The following ACSM4 variants were observed in gnomAD, a reference collection of about 807,000 sequenced individuals.
ACSM4 encodes the protein acyl-CoA synthetase medium chain family member 4.
In ACSM4, 66 loss-of-function variants were observed where a neutral mutation model predicts 73.0. The ratio of observed to expected loss-of-function variants is 0.90; its 90% CI spans 0.74 to 1.11. The LOEUF (loss-of-function observed/expected upper bound fraction) is 1.11, where lower values mean the gene tolerates loss of function less well. Among genes scored for constraint, ACSM4 ranks in the 50% least tolerant of loss-of-function variants. The pLI, the probability that ACSM4 is intolerant of heterozygous loss-of-function variation, is 0.00. For missense variants in ACSM4, 645 were observed against 714.4 expected, an observed-to-expected ratio of 0.90 and a Z score of 1.11; for synonymous variants, 222 against 254.0, an observed-to-expected ratio of 0.87 and a Z score of 1.20.
intron 3 of ACSM4, among the ~76,000 whole-genome samples, chr12:7,314,503 A>G (rs1946407403): frequency 6.6e-6 from 1 of 152,170 alleles, no homozygotes; most frequent in Non-Finnish European, 1.5e-5. Context: ...TTTTAGATAG[A>G]CAGATAGATG....
chr12:7,323,609 A>G, intron 9 of ACSM4, 49 bp downstream of exon 9: 1 of 1,514,310 alleles, frequency 6.6e-7, no homozygotes, highest in Non-Finnish European at 9.1e-7. Flanking sequence ...CTTGGGTTCA[A>G]ATTTCATTTC....
Position 7,306,690 on chromosome 12 carries a change from T to A in ACSM4, c.359T>A (p.Ile120Asn). 6.2e-7 allele frequency: 1 copy of A among 1,611,976 alleles called. No individual in the cohort carries two copies. The highest frequency in any genetic ancestry group is 1.1e-5 in the South Asian group (1 of 90,362). ...CAGAGAGGAGACCGTTTGGCCGTGATTCTGCCCAGAATCCCTGAGTGGTGG... is the reference window on the plus strand; with the variant it reads ...CAGAGAGGAGACCGTTTGGCCGTGAATCTGCCCAGAATCCCTGAGTGGTGG... Reference protein sequence around the residue: ...GLQRGDRLAVILPRIPEWWLV... With the variant: ...GLQRGDRLAVNLPRIPEWWLV... Residue 120 changes from isoleucine to asparagine, a missense_variant, in exon 2 of 13, where the codon ATT becomes AAT. Ile to Asn is a moderately radical substitution (Grantham distance 149). Coordinates refer to ENST00000399422, the MANE Select transcript of ACSM4 (RefSeq NM_001080454.2).
chr12:7,305,812 T>C (rs1314874887), intron 1 of ACSM4, among the ~76,000 whole-genome samples: 1 of 152,072 alleles, frequency 6.6e-6, no homozygotes, highest in East Asian at 1.9e-4. Context: ...CCAGAGAAGA[T>C]AAAAGAAGCA....
At chr12:7,317,416 T>G (rs941314149) in intron 4 of ACSM4, 136 bp downstream of exon 4, 8 of 1,249,576 alleles carry the variant, frequency 6.4e-6, no homozygotes, top group Non-Finnish European at 8.4e-6. Flanking sequence ...GAACTCTTGC[T>G]GGCCCCGCCC....
chr12:7,312,773 A>C (rs1288859572), intron 3 of ACSM4, among the ~76,000 whole-genome samples: 1 of 152,230 alleles, frequency 6.6e-6, no homozygotes, highest in Non-Finnish European at 1.5e-5. Flanking sequence ...CCTGGCACAG[A>C]GTAATTACTC....
At chr12:7,326,234 G>C (rs1054684165) in intron 11 of ACSM4, among the ~76,000 whole-genome samples, 1 of 152,070 alleles carries the variant, frequency 6.6e-6, no homozygotes, top group African/African-American at 2.4e-5. Flanking sequence ...ATGGAGACTT[G>C]CTCTGTCACC....
intron 6 of ACSM4, among the ~76,000 whole-genome samples, chr12:7,321,802 T>C (rs1428808845): frequency 6.6e-6 from 1 of 152,178 alleles, no homozygotes; most frequent in Non-Finnish European, 1.5e-5. Flanking sequence ...ACACTCAAGA[T>C]AACCTTGCTA....
intron 11 of ACSM4, among the ~76,000 whole-genome samples, chr12:7,325,515 C>T (rs1453277081): frequency 3.3e-5 from 5 of 152,070 alleles, no homozygotes; most frequent in East Asian, 1.9e-4. Context: ...GGCATGGTGG[C>T]GGGCACCTGT....
At chr12:7,323,942 C>T (rs971731311) in intron 9 of ACSM4, among the ~76,000 whole-genome samples, 1 of 151,938 alleles carries the variant, frequency 6.6e-6, no homozygotes, top group African/African-American at 2.4e-5. Context: ...TTTAGGAGGC[C>T]GAGGTGGGAG....
chr12:7,315,254 C>T (rs953186354), intron 3 of ACSM4, among the ~76,000 whole-genome samples: 2 of 151,644 alleles, frequency 1.3e-5, no homozygotes, highest in Non-Finnish European at 1.5e-5. Flanking sequence ...GTCACTCATT[C>T]ACCATCAAGA....
chr12:7,304,720 G>C (rs1441842039), intron 1 of ACSM4, among the ~76,000 whole-genome samples, 188 bp downstream of exon 1: 1 of 152,138 alleles, frequency 6.6e-6, no homozygotes, highest in African/African-American at 2.4e-5. Context: ...CAAATGGCTG[G>C]GCGGCTCTGG....
intron 3 of ACSM4, among the ~76,000 whole-genome samples, chr12:7,314,788 A>C (rs1376784879): frequency 6.6e-6 from 1 of 152,244 alleles, no homozygotes; most frequent in East Asian, 1.9e-4. Flanking sequence ...CACTGTATAC[A>C]TACACTGAAA....
chr12:7,307,332 T>C (rs1211501583), intron 2 of ACSM4, among the ~76,000 whole-genome samples: 2 of 152,172 alleles, frequency 1.3e-5, no homozygotes, highest in Non-Finnish European at 2.9e-5. Context: ...TAGAAAGCTA[T>C]GCAATTGGGA....
chr12:7,318,417 A>T, intron 5 of ACSM4: 1 of 477,678 alleles, frequency 2.1e-6, no homozygotes, highest in Non-Finnish European at 3.6e-6. Flanking sequence ...ATAGCTCAGG[A>T]TTTGCTAGTG....
In ACSM4 at chr12:7,328,449, T is replaced by G; in HGVS notation, c.*76T>G. 8.7e-7 allele frequency: 1 copy of G among 1,145,044 alleles called. No homozygotes were observed. The highest frequency in any genetic ancestry group is 2.9e-5 in the Admixed American group (1 of 34,414). The allele number at this position is 1,145,044 out of a possible 1,614,324, so 70.9% of individuals were successfully genotyped here. ...GTATTTGTTCCGATAATTCAGCGAC[T>G]ACTCTCTTAAAATGTTTAAGATCTT... On this transcript the variant is annotated 3_prime_UTR_variant, in exon 13 of 13. Coordinates refer to ENST00000399422, the MANE Select transcript of ACSM4 (RefSeq NM_001080454.2).
At chr12:7,326,892 A>T (rs373732983) in intron 11 of ACSM4, 84 bp from the exon 12 acceptor site, 35 of 1,396,856 alleles carry the variant, frequency 2.5e-5, no homozygotes, top group East Asian at 1.8e-4. Context: ...AATAAATAGT[A>T]AGCACCTGTG....
intron 2 of ACSM4, among the ~76,000 whole-genome samples, chr12:7,307,999 CAACT>C (rs1946370800): frequency 6.6e-6 from 1 of 151,982 alleles, no homozygotes; most frequent in Admixed American, 6.6e-5. Flanking sequence ...AATTTGGAAA[CAACT>C]AAATAGAAAT....
intron 3 of ACSM4, among the ~76,000 whole-genome samples, chr12:7,314,398 A>C (rs1035919205): frequency 6.6e-6 from 1 of 152,230 alleles, no homozygotes; most frequent in African/African-American, 2.4e-5. Context: ...CTAGAAAGGC[A>C]TAACTCGGAA....
rs1565752298 is a variant in ACSM4, at chr12:7,310,706, C to G, written c.580C>G (p.Gln194Glu). The change falls in exon 3 of 13, where the codon CAA (glutamine) becomes GAA (glutamate). Residue 194 changes from glutamine to glutamate, a missense_variant. Coordinates refer to ENST00000399422, the MANE Select transcript of ACSM4 (RefSeq NM_001080454.2). Reference protein sequence around the residue: ...DLKTKLLVSPQSWNGWLSFQE... With the variant: ...DLKTKLLVSPESWNGWLSFQE... ...TAAGACAAAACTCCTGGTGTCTCCA[C>G]AAAGCTGGAATGGGTGGCTCAGCTT... 6.2e-7 allele frequency: 1 copy of G among 1,613,492 alleles called. No homozygotes were observed. Among genetic ancestry groups the G allele is most frequent in the South Asian group, 1.1e-5 (1 of 90,978 alleles).
Sources: allele counts gnomAD v4.1 joint callset (sites outside exome capture counted in the v4.1 genomes callset), GRCh38; gene constraint gnomAD v4.1.1; transcripts MANE v1.5; gene names NCBI Gene and HGNC (gene_info 2026-07-23, HGNC 2026-07-21).